The following ABI1 variants were observed in gnomAD, a reference collection of about 807,000 sequenced individuals.
ABI1 encodes abl interactor 1.
Under a neutral mutation model 54.6 loss-of-function variants are expected in ABI1, and 14 were observed. The ratio of observed to expected loss-of-function variants is 0.26; its 90% CI spans 0.17 to 0.40. ABI1 has a LOEUF of 0.40. ABI1 is among the 10% of genes least tolerant of loss of function. The pLI, the probability that ABI1 is intolerant of heterozygous loss-of-function variation, is 1.00. For synonymous variants in ABI1, 194 were observed against 209.3 expected, an observed-to-expected ratio of 0.93 and a Z score of 0.63; for missense variants, 443 against 598.3, an observed-to-expected ratio of 0.74 and a Z score of 2.71.
chr10:26,768,924 C>G lies in ABI1; in HGVS notation c.647G>C (p.Ser216Thr). The G allele has an allele frequency of 6.2e-7, 1 of 1,613,394 alleles. No individual in the cohort carries two copies. Among genetic ancestry groups the G allele is most frequent in the Non-Finnish European group, 8.5e-7 (1 of 1,179,452 alleles). The change falls in exon 6 of 11, where the codon AGT becomes ACT. Residue 216 changes from serine (S) to threonine (T), a missense_variant. By Grantham distance (58) the Ser-to-Thr change is moderately conservative. This residue lies in a region of ABI1 where 394 missense variants were observed against 484.8 expected (regional missense o/e 0.81). Transcript: ENST00000376140. ...ATGCTGACTTCCAAGCCTAGCAGGA[C>G]TGGTCATATAGTCATTAGGAACTGT... is the stretch of plus-strand genomic sequence containing the variant. The part of the protein sequence containing the change: ...PPTVPNDYMT[S>T]PARLGSQHSP...
chr10:26,849,132 G>A (rs1000396660), intron 1 of ABI1, among the ~76,000 whole-genome samples: 7 of 152,080 alleles, frequency 4.6e-5, no homozygotes, highest in African/African-American at 1.2e-4. Flanking sequence ...GGGGGTCCAC[G>A]AGGTCTAAAT....
At chr10:26,766,470 T>C (rs541444760) in intron 6 of ABI1, among the ~76,000 whole-genome samples, 1 of 152,230 alleles carries the variant, frequency 6.6e-6, no homozygotes, top group African/African-American at 2.4e-5. Context: ...GGGCAAAGAT[T>C]TGCAATGCCT....
chr10:26,835,438 G>A (rs1281300778), intron 1 of ABI1, among the ~76,000 whole-genome samples: 1 of 152,010 alleles, frequency 6.6e-6, no homozygotes, highest in Non-Finnish European at 1.5e-5. Flanking sequence ...AGCAGGGTGT[G>A]GTGGTGCACA....
intron 7 of ABI1, among the ~76,000 whole-genome samples, chr10:26,762,077 G>A (rs897509756): frequency 6.6e-6 from 1 of 152,154 alleles, no homozygotes; most frequent in Admixed American, 6.6e-5. Context: ...CACAATCTCA[G>A]CTCTCTGCAA....
At chr10:26,837,480 G>A (rs1435904401) in intron 1 of ABI1, among the ~76,000 whole-genome samples, 1 of 152,142 alleles carries the variant, frequency 6.6e-6, no homozygotes, top group Admixed American at 6.5e-5. Context: ...ACATAAGGAT[G>A]GCAGGGGGAC....
At chr10:26,849,270 G>T (rs1308320148) in intron 1 of ABI1, among the ~76,000 whole-genome samples, 1 of 151,918 alleles carries the variant, frequency 6.6e-6, no homozygotes, top group African/African-American at 2.4e-5. Flanking sequence ...TGTCACAGAC[G>T]ATACTAGTAC....
chr10:26,838,134 A>C (rs116915324), intron 1 of ABI1, among the ~76,000 whole-genome samples: 38,470 of 150,332 alleles, frequency 0.26, 5,544 homozygotes, highest in South Asian at 0.44. Context: ...AGCGATTCTA[A>C]TGCCTCAGCC....
At chr10:26,755,520 T>G in intron 9 of ABI1, 135 bp downstream of exon 9, 1 of 640,668 alleles carries the variant, frequency 1.6e-6, no homozygotes, top group South Asian at 2.2e-5. Flanking sequence ...GCTCTTCAGT[T>G]TCAGTAACAT....
chr10:26,808,964 T>A (rs2047048040), intron 2 of ABI1, among the ~76,000 whole-genome samples: 1 of 150,778 alleles, frequency 6.6e-6, no homozygotes, highest in Admixed American at 6.6e-5. Flanking sequence ...TATTGGCCAA[T>A]AAGGACATTT....
chr10:26,779,902 C>T (rs554462389), intron 2 of ABI1, among the ~76,000 whole-genome samples: 1 of 152,068 alleles, frequency 6.6e-6, no homozygotes, highest in Admixed American at 6.5e-5. Context: ...GTTTAAAATG[C>T]GGATCAAGGT....
chr10:26,826,336 G>A (rs192573430), intron 1 of ABI1, among the ~76,000 whole-genome samples: 158 of 152,244 alleles, frequency 1.0e-3, no homozygotes, highest in Admixed American at 3.2e-3. Flanking sequence ...CTTTTTATCC[G>A]AGCAGGTCTC....
Position 26,755,748 on chromosome 10 carries a change from G to T in ABI1, c.998-7C>A, listed in dbSNP as rs1564455516. On this transcript the variant is annotated splice_polypyrimidine_tract_variant and splice_region_variant and intron_variant, in intron 8 of 10. Coordinates refer to ENST00000376140, the MANE Select transcript of ABI1 (RefSeq NM_001012750.3). ...GGGGGTGGAGCAATAGAAACTGGTA[G>T]CAACAACACAGTATGGGGGAAGTAA... is the stretch of plus-strand genomic sequence containing the variant. 3 of 1,594,652 alleles carry T rather than the reference G, an allele frequency of 1.9e-6. No individual in the cohort carries two copies.
chr10:26,788,981 T>C (rs1475165736), intron 2 of ABI1: 1 of 131,686 alleles, frequency 7.6e-6, no homozygotes, highest in South Asian at 2.3e-4. Context: ...CGTAAACAAA[T>C]GCTAAAATTC....
At chr10:26,755,292 AATTT>A (rs960370667) in intron 9 of ABI1, among the ~76,000 whole-genome samples, 37 of 152,330 alleles carry the variant, frequency 2.4e-4, no homozygotes, top group African/African-American at 8.2e-4. Context: ...TCTCTTGATA[AATTT>A]ATTAGAATTA....
intron 1 of ABI1, among the ~76,000 whole-genome samples, chr10:26,833,625 A>G (rs2048831552): frequency 6.6e-6 from 1 of 152,206 alleles, no homozygotes; most frequent in South Asian, 2.1e-4. Flanking sequence ...TTCCATGTTA[A>G]CAAGTTATCT....
chr10:26,835,947 C>T (rs1377641891), intron 1 of ABI1, among the ~76,000 whole-genome samples: 1 of 151,490 alleles, frequency 6.6e-6, no homozygotes, highest in Non-Finnish European at 1.5e-5. Flanking sequence ...AAGTTGGGGT[C>T]TCACCATGTT....
chr10:26,857,848 C>CAA (rs1168285053), intron 1 of ABI1, among the ~76,000 whole-genome samples: 22,193 of 99,146 alleles, frequency 0.22, 2,099 homozygotes, highest in African/African-American at 0.28. Flanking sequence ...AAGTCTGTCT[C>CAA]AAAAAAAAAA....
chr10:26,762,441 C>T (rs1839361840), intron 7 of ABI1, among the ~76,000 whole-genome samples: 1 of 152,124 alleles, frequency 6.6e-6, no homozygotes, highest in African/African-American at 2.4e-5. Context: ...TACTGATTGT[C>T]TGGGGATGAC....
intron 6 of ABI1, among the ~76,000 whole-genome samples, chr10:26,766,198 T>C (rs1163552689): frequency 1.3e-5 from 2 of 152,280 alleles, no homozygotes; most frequent in African/African-American, 2.4e-5. Context: ...GAAGTTTCAG[T>C]GTGGACATTC....
Sources: allele counts gnomAD v4.1 joint callset (sites outside exome capture counted in the v4.1 genomes callset), GRCh38; gene constraint gnomAD v4.1.1; regional missense constraint gnomAD v4.1.1; transcripts MANE v1.5; gene names NCBI Gene and HGNC (gene_info 2026-07-23, HGNC 2026-07-21).